Variants in AGK observed in about 807,000 individuals in gnomAD.
AGK encodes the protein acylglycerol kinase, mitochondrial.
AGK carries 52 observed loss-of-function variants against 66.4 expected under a neutral mutation model. The ratio of observed to expected loss-of-function variants is 0.78; its 90% CI spans 0.63 to 0.99. AGK has a LOEUF of 0.99. Among genes scored for constraint, AGK ranks in the 50% least tolerant of loss-of-function variants. The probability of loss-of-function intolerance (pLI) is 0.00; values close to 1 mark genes in which losing one functional copy is unlikely to be tolerated. For missense variants in AGK, 451 were observed against 506.6 expected, an observed-to-expected ratio of 0.89 and a Z score of 1.05; for synonymous variants, 182 against 181.1, an observed-to-expected ratio of 1.00 and a Z score of -0.04.
In AGK at chr7:141,654,499, C is replaced by A. The variant is rs574307201; in HGVS notation, c.*1575C>A. The stretch of plus-strand genomic sequence containing the variant: ...TTATTAATGATGATCTATCAACTAA[C>A]AAACAACTTGATTAGATTCTCCTTT... On this transcript the variant is annotated 3_prime_UTR_variant, in exon 16 of 16. Coordinates refer to ENST00000649286, the MANE Select transcript of AGK (RefSeq NM_018238.4). The A allele has an allele frequency of 4.6e-5, 7 of 152,316 alleles. No individual in the cohort carries two copies. The South Asian group carries it at 1.4e-3, about 32-fold the overall frequency. The allele number at this position is 152,316 out of a possible 1,614,324, so 9.4% of individuals were successfully genotyped here.
At chr7:141,603,671 TTA>T (rs1193188057) in intron 5 of AGK, among the ~76,000 whole-genome samples, 5 of 152,170 alleles carry the variant, frequency 3.3e-5, no homozygotes, top group Non-Finnish European at 5.9e-5. Context: ...GTTTTTCTGC[TTA>T]TGATTCCATT....
In AGK at chr7:141,599,022, T is replaced by C. The variant is rs145701731; in HGVS notation, c.222-2183T>C. 339 of 152,326 alleles carry C rather than the reference T, an allele frequency of 2.2e-3. 1 individual carries two copies. Among genetic ancestry groups the C allele is most frequent in the African/African-American group, 7.9e-3 (327 of 41,588 alleles). 9.4% of individuals were successfully genotyped at this position (152,326 alleles called of 1,614,324 possible). A position where few individuals can be genotyped will look rare whatever the true frequency, so the allele number is the denominator to read the frequency against. Reference sequence around the variant, plus strand: ...TAAAGGTAAGCTAAAATACTGCCACTGAAGGAAAGTCTTTTCTAAAGGTGT... The same window carrying C: ...TAAAGGTAAGCTAAAATACTGCCACCGAAGGAAAGTCTTTTCTAAAGGTGT... On this transcript the variant is annotated intron_variant, in intron 4 of 15. Coordinates refer to ENST00000649286, the MANE Select transcript of AGK (RefSeq NM_018238.4).
chr7:141,619,191 A>C (rs1796772460), intron 8 of AGK, among the ~76,000 whole-genome samples: 1 of 152,162 alleles, frequency 6.6e-6, no homozygotes, highest in Non-Finnish European at 1.5e-5. Context: ...AAATTGAAAA[A>C]TTGATTCTAA....
chr7:141,610,891 A>C lies in AGK; in HGVS notation c.298-304A>C, dbSNP rs374434333. Among the ~76,000 whole-genome samples, 12 of 152,348 alleles carry C rather than the reference A, an allele frequency of 7.9e-5. No individual in the cohort carries two copies. In the East Asian group the frequency reaches 2.3e-3, roughly 29 times the overall value. ...CTATAAAGGATGTAATAGAATCTGCACTTGACTGGAAATGATGCCCTTGAC... is the reference window on the plus strand; with the variant it reads ...CTATAAAGGATGTAATAGAATCTGCCCTTGACTGGAAATGATGCCCTTGAC... On this transcript the variant is annotated intron_variant, in intron 5 of 15. Transcript: ENST00000649286.
At chr7:141,577,112 C>T (rs1159417181) in intron 2 of AGK, among the ~76,000 whole-genome samples, 1 of 152,136 alleles carries the variant, frequency 6.6e-6, no homozygotes, top group Non-Finnish European at 1.5e-5. Context: ...GGACTCCCTC[C>T]TCAGCCAGGG....
chr7:141,653,254 G>A lies in AGK; in HGVS notation c.*330G>A. On this transcript the variant is annotated 3_prime_UTR_variant, in exon 16 of 16. Coordinates refer to ENST00000649286, the MANE Select transcript of AGK (RefSeq NM_018238.4). The stretch of plus-strand genomic sequence containing the variant: ...CAGTGGAGAGCCCACGGTGGGCTTA[G>A]CCTGCCTAGGCCCTTCCATTTCTCT... 1 of 219,174 alleles carries A rather than the reference G, an allele frequency of 4.6e-6. No homozygotes were observed. The highest frequency in any genetic ancestry group is 1.0e-4 in the East Asian group (1 of 9,822). 13.6% of individuals were successfully genotyped at this position (219,174 alleles called of 1,614,324 possible).
intron 3 of AGK, among the ~76,000 whole-genome samples, chr7:141,595,740 G>A (rs1796212974): frequency 6.6e-6 from 1 of 152,056 alleles, no homozygotes; most frequent in East Asian, 1.9e-4. Flanking sequence ...AGACATAATA[G>A]CAAGAGTTCC....
chr7:141,605,686 A>G (rs775147265), intron 5 of AGK, among the ~76,000 whole-genome samples: 2 of 152,218 alleles, frequency 1.3e-5, no homozygotes, highest in Non-Finnish European at 2.9e-5. Context: ...CATAAAGCTC[A>G]GTGAAGTTGA....
At chr7:141,613,933 A>G (rs1796651937) in intron 6 of AGK, among the ~76,000 whole-genome samples, 1 of 152,114 alleles carries the variant, frequency 6.6e-6, no homozygotes, top group South Asian at 2.1e-4. Flanking sequence ...CTTAGCCTTT[A>G]TTGTATTATT....
intron 12 of AGK, 63 bp from the exon 13 acceptor site, chr7:141,641,748 G>A (rs959705924): frequency 2.8e-5 from 38 of 1,368,378 alleles, no homozygotes; most frequent in African/African-American, 2.3e-4. Flanking sequence ...GCAGCTAGCC[G>A]TCCGTGGTGG....
intron 5 of AGK, among the ~76,000 whole-genome samples, chr7:141,608,232 GA>G (rs569316019): frequency 1.5e-3 from 233 of 152,276 alleles, no homozygotes; most frequent in African/African-American, 5.4e-3. Context: ...GCAGGGTAAG[GA>G]GACAAAGGTT....
At chr7:141,634,408 G>T (rs1249437180) in intron 10 of AGK, among the ~76,000 whole-genome samples, 1 of 152,182 alleles carries the variant, frequency 6.6e-6, no homozygotes, top group Non-Finnish European at 1.5e-5. Flanking sequence ...TTTTGTGAAG[G>T]CCTCGCAGAT....
intron 9 of AGK, among the ~76,000 whole-genome samples, chr7:141,628,037 A>G (rs1369470588): frequency 6.6e-6 from 1 of 152,146 alleles, no homozygotes; most frequent in Non-Finnish European, 1.5e-5. Context: ...GCATGCCACC[A>G]CACCCAGCTA....
rs549557138 is a variant in AGK at position 141,563,437 on chromosome 7, A to T, written c.101+7870A>T. On this transcript the variant is annotated intron_variant, in intron 2 of 15. Transcript: ENST00000649286. ...ACTATAAATCTTCCAGCCTTCTGGGATCTCAGTTACATTCAGCTTAGGCTT... is the reference window on the plus strand; with the variant it reads ...ACTATAAATCTTCCAGCCTTCTGGGTTCTCAGTTACATTCAGCTTAGGCTT... Among the ~76,000 whole-genome samples, 6 of 152,296 alleles carry T rather than the reference A, an allele frequency of 3.9e-5. No homozygotes were observed. In the South Asian group the frequency reaches 1.2e-3, roughly 32 times the overall value.
In AGK at chr7:141,593,270, G is replaced by A. The variant is rs1248039086; in HGVS notation, c.141+85G>A. The stretch of plus-strand genomic sequence containing the variant: ...TAAGCTCTTTCAGGGGACTTGCACA[G>A]TGTCTTGCATCTGTGCAGTCTGGCT... On this transcript the variant is annotated intron_variant, in intron 3 of 15. Coordinates refer to ENST00000649286, the MANE Select transcript of AGK (RefSeq NM_018238.4). 1.3e-5 allele frequency: 16 copies of A among 1,229,560 alleles called. No homozygotes were observed. In the Admixed American group the frequency reaches 2.4e-4, roughly 18 times the overall value. 76.2% of individuals were successfully genotyped at this position (1,229,560 alleles called of 1,614,324 possible). A position where few individuals can be genotyped will look rare whatever the true frequency, so the allele number is the denominator to read the frequency against.
chr7:141,621,346 C>T (rs1192222382), intron 8 of AGK, among the ~76,000 whole-genome samples: 4 of 152,202 alleles, frequency 2.6e-5, no homozygotes, highest in African/African-American at 9.7e-5. Flanking sequence ...AGTTACTCTT[C>T]TGGCTGTTAG....
chr7:141,633,422 GACTTTTTGTA>G (rs879886102), intron 9 of AGK, among the ~76,000 whole-genome samples: 2 of 148,092 alleles, frequency 1.4e-5, no homozygotes, highest in African/African-American at 2.7e-5. Flanking sequence ...TTTTTATTTC[GACTTTTTGTA>G]ACACGTATTT....
intron 2 of AGK, among the ~76,000 whole-genome samples, chr7:141,592,025 A>G (rs1796133532): frequency 6.6e-6 from 1 of 152,244 alleles, no homozygotes. Context: ...AAAACAAGTG[A>G]TTTAGATAAG....
chr7:141,569,190 T>G (rs1015277288), intron 2 of AGK, among the ~76,000 whole-genome samples: 1 of 152,198 alleles, frequency 6.6e-6, no homozygotes, highest in African/African-American at 2.4e-5. Context: ...GTTATGAGTT[T>G]GCCTGAGGGG....
Sources: gnomAD v4.1 joint callset for allele counts (sites outside exome capture counted in the v4.1 genomes callset) on GRCh38, gnomAD v4.1.1 for gene constraint, MANE v1.5 for transcripts, NCBI Gene and HGNC (gene_info 2026-07-23, HGNC 2026-07-21) for gene names.